The following DZIP1 variants were observed in gnomAD, a reference collection of about 807,000 sequenced individuals.
The protein encoded by DZIP1 is cilium assembly protein DZIP1.
DZIP1 carries 97 observed loss-of-function variants against 107.6 expected under a neutral mutation model. The ratio of observed to expected loss-of-function variants is 0.90; its 90% confidence interval spans 0.77 to 1.07. The LOEUF (loss-of-function observed/expected upper bound fraction) is 1.07. Ranked by LOEUF, DZIP1 falls within the 50% of genes least tolerant of loss-of-function variation. The pLI, the probability that DZIP1 is intolerant of heterozygous loss-of-function variation, is 0.00. For missense variants in DZIP1, 1,035 were observed against 1,063.6 expected, an observed-to-expected ratio of 0.97 and a Z score of 0.37; for synonymous variants, 390 against 386.4, an observed-to-expected ratio of 1.01 and a Z score of -0.11.
chr13:95,608,608 C>A (rs999205550), intron 13 of DZIP1, among the ~76,000 whole-genome samples: 1 of 152,148 alleles, frequency 6.6e-6, no homozygotes, highest in Non-Finnish European at 1.5e-5. Context: ...AGCATCTCTT[C>A]CTCTCTCAAC....
rs1299384636 is a variant in DZIP1, at chr13:95,643,616, AT to A, written c.-444del. The A allele has an allele frequency of 6.5e-6, 1 of 152,688 alleles. No homozygotes were observed. Among genetic ancestry groups the A allele is most frequent in the Non-Finnish European group, 1.5e-5 (1 of 68,086 alleles). 9.5% of individuals were successfully genotyped at this position (152,688 alleles called of 1,614,324 possible). On this transcript the variant is annotated 5_prime_UTR_variant, in exon 2 of 23. The change creates a premature stop within an existing upstream ORF in the 5' untranslated region. Coordinates refer to ENST00000376829, the MANE Select transcript of DZIP1 (RefSeq NM_198968.4). The stretch of plus-strand genomic sequence containing the variant: ...AGACACCGACCTGGCAGGTCTGTAG[AT>A]TCTGGACTCCATCCACTGGGCTGCA...
intron 10 of DZIP1, among the ~76,000 whole-genome samples, chr13:95,614,245 C>T (rs565344967): frequency 5.3e-5 from 8 of 152,006 alleles, no homozygotes; most frequent in Non-Finnish European, 1.2e-4. Context: ...GAAAGATTTT[C>T]CGAGTGAAAC....
At chr13:95,623,301 C>T (rs939217652) in intron 8 of DZIP1, among the ~76,000 whole-genome samples, 1 of 152,138 alleles carries the variant, frequency 6.6e-6, no homozygotes, top group Non-Finnish European at 1.5e-5. Flanking sequence ...GGGGAGCGCA[C>T]GTCTCCTCTC....
chr13:95,614,828 G>A (rs921834840), intron 10 of DZIP1, among the ~76,000 whole-genome samples: 2 of 152,002 alleles, frequency 1.3e-5, no homozygotes, highest in African/African-American at 4.8e-5. Flanking sequence ...TCCTACCAAT[G>A]TTATTTAAAA....
At chr13:95,593,613 G>T (rs769172882) in intron 16 of DZIP1, among the ~76,000 whole-genome samples, 2 of 152,194 alleles carry the variant, frequency 1.3e-5, no homozygotes, top group Non-Finnish European at 2.9e-5. Context: ...CACTGTGACT[G>T]CCTAGATACA....
At position 95,619,873 on chromosome 13, in the gene DZIP1, T is replaced by A; in HGVS notation, c.1173+12A>T. On this transcript the variant is annotated intron_variant, in intron 10 of 22. Transcript: ENST00000376829. ...AATGGCCCACTTTAGGCCACTGGTTTCTTAACCTTACCCGACCCTTCTCTT... is the reference window on the plus strand; with the variant it reads ...AATGGCCCACTTTAGGCCACTGGTTACTTAACCTTACCCGACCCTTCTCTT... The A allele has an allele frequency of 6.2e-7, 1 of 1,613,504 alleles. No individual in the cohort carries two copies. Among genetic ancestry groups the A allele is most frequent in the Non-Finnish European group, 8.5e-7 (1 of 1,179,790 alleles).
intron 5 of DZIP1, among the ~76,000 whole-genome samples, chr13:95,640,153 CA>C (rs574548228): frequency 9.1e-4 from 138 of 152,184 alleles, no homozygotes; most frequent in African/African-American, 3.2e-3. Flanking sequence ...CCACCAAGCC[CA>C]GCGAATTTTG....
intron 13 of DZIP1, 112 bp from the exon 14 acceptor site, chr13:95,606,171 A>G: frequency 1.2e-6 from 1 of 855,958 alleles, no homozygotes; most frequent in Non-Finnish European, 1.9e-6. Flanking sequence ...TACAGACCAT[A>G]AGGAACAAAT....
chr13:95,611,110 C>T (rs2044988930), intron 12 of DZIP1, among the ~76,000 whole-genome samples: 1 of 152,090 alleles, frequency 6.6e-6, no homozygotes, highest in Non-Finnish European at 1.5e-5. Flanking sequence ...CCCAGTCTGT[C>T]GACAGACCTT....
chr13:95,601,832 T>C (rs565833118), intron 14 of DZIP1, among the ~76,000 whole-genome samples: 1 of 152,294 alleles, frequency 6.6e-6, no homozygotes, highest in Non-Finnish European at 1.5e-5. Context: ...CTGACTTTCC[T>C]TGGTCCTGGC....
rs532561352 is a variant in DZIP1 at position 95,591,262 on chromosome 13, C to T, written c.1681-821G>A. ...CAGGCTAGTCTCGAACTCCTGACCTCGTGATCCACCTGCCTTGGCCTCCCA... is the reference window on the plus strand; with the variant it reads ...CAGGCTAGTCTCGAACTCCTGACCTTGTGATCCACCTGCCTTGGCCTCCCA... On this transcript the variant is annotated intron_variant, in intron 16 of 22. Transcript: ENST00000376829. 7.5e-4 allele frequency among the ~76,000 whole-genome samples: 114 copies of T among 152,048 alleles called. 1 individual carries two copies. The highest frequency in any genetic ancestry group is 1.9e-3 in the African/African-American group (78 of 41,478).
intron 8 of DZIP1, among the ~76,000 whole-genome samples, chr13:95,623,736 T>C (rs1397775580): frequency 6.6e-6 from 1 of 151,910 alleles, no homozygotes; most frequent in African/African-American, 2.4e-5. Context: ...AGGCCAGGAG[T>C]TCGACACCAT....
chr13:95,617,546 T>C (rs1254336669), intron 10 of DZIP1, among the ~76,000 whole-genome samples: 1 of 152,158 alleles, frequency 6.6e-6, no homozygotes, highest in East Asian at 1.9e-4. Flanking sequence ...AAACTCATAC[T>C]GAGGGGAAGG....
At chr13:95,605,028 G>A (rs2044731000) in intron 14 of DZIP1, among the ~76,000 whole-genome samples, 1 of 152,144 alleles carries the variant, frequency 6.6e-6, no homozygotes, top group Admixed American at 6.5e-5. Context: ...TACGTATTGT[G>A]ATCACATACT....
chr13:95,585,539 G>A (rs772882524), intron 21 of DZIP1, among the ~76,000 whole-genome samples: 2 of 152,170 alleles, frequency 1.3e-5, no homozygotes, highest in Non-Finnish European at 2.9e-5. Flanking sequence ...CACCTCTGGC[G>A]TCCTGGCTGT....
intron 8 of DZIP1, among the ~76,000 whole-genome samples, chr13:95,624,500 A>G (rs1876299947): frequency 1.3e-5 from 2 of 152,210 alleles, no homozygotes; most frequent in African/African-American, 4.8e-5. Context: ...ACCTAACCAG[A>G]TAAGAAAAGA....
chr13:95,629,162 A>G (rs1264557632), intron 7 of DZIP1, among the ~76,000 whole-genome samples: 1 of 152,246 alleles, frequency 6.6e-6, no homozygotes, highest in Non-Finnish European at 1.5e-5. Flanking sequence ...AGCCAAGCAC[A>G]CTGTCACTCC....
At chr13:95,637,084 T>C (rs927782995) in intron 5 of DZIP1, 1 of 152,216 alleles carries the variant, frequency 6.6e-6, no homozygotes, top group Non-Finnish European at 1.5e-5. Flanking sequence ...TGACTAAGAA[T>C]ATTCTTCATC....
Position 95,589,930 on chromosome 13 carries a change from G to T in DZIP1, c.1846C>A (p.Gln616Lys). 6.2e-7 allele frequency: 1 copy of T among 1,613,160 alleles called. No homozygotes were observed. The highest frequency in any genetic ancestry group is 8.5e-7 in the Non-Finnish European group (1 of 1,179,726). ...IEEKALLSSDQCSVSQMDTLS... is the reference protein window; with the variant it reads ...IEEKALLSSDKCSVSQMDTLS... ...GTATCCATTTGAGAAACACTGCACT[G>T]ATCTGGAATATAGTGTCATTCATGA... Residue 616 changes from glutamine (Q) to lysine (K), a missense_variant and splice_region_variant, in exon 18 of 23, where the codon CAG (glutamine) becomes AAG (lysine). Transcript: ENST00000376829.
Sources: allele counts gnomAD v4.1 joint callset (sites outside exome capture counted in the v4.1 genomes callset), GRCh38; gene constraint gnomAD v4.1.1; transcripts MANE v1.5; gene names NCBI Gene and HGNC (gene_info 2026-07-23, HGNC 2026-07-21).